The following IL6R variants were observed in gnomAD, a reference collection of about 807,000 sequenced individuals.
IL6R encodes interleukin-6 receptor subunit alpha.
In IL6R, 38 loss-of-function variants were observed where a neutral mutation model predicts 48.3. The ratio of observed to expected loss-of-function variants is 0.79; its 90% CI spans 0.61 to 1.03. IL6R has a LOEUF of 1.03. Ranked by LOEUF, IL6R falls within the 50% of genes least tolerant of loss-of-function variation. IL6R has a pLI of 0.00. For synonymous variants in IL6R, 264 were observed against 256.2 expected, an observed-to-expected ratio of 1.03 and a Z score of -0.29; for missense variants, 534 against 618.3, an observed-to-expected ratio of 0.86 and a Z score of 1.45.
intron 1 of IL6R, among the ~76,000 whole-genome samples, chr1:154,424,389 G>T (rs775226465): frequency 3.3e-5 from 5 of 152,224 alleles, no homozygotes; most frequent in Admixed American, 6.5e-5. Context: ...AGTGGTCCTT[G>T]ACCCCTACCT....
intron 1 of IL6R, among the ~76,000 whole-genome samples, chr1:154,413,230 G>A (rs988850919): frequency 6.6e-6 from 1 of 152,328 alleles, no homozygotes; most frequent in East Asian, 1.9e-4. Context: ...TCAAACTCCT[G>A]ACCTCGTGAT....
At chr1:154,414,956 A>G in intron 1 of IL6R, 2 of 1,319,938 alleles carry the variant, frequency 1.5e-6, no homozygotes, top group Admixed American at 2.0e-5. Context: ...AGGATGCTCC[A>G]CTGGCCCCGA....
chr1:154,465,666 AC>A lies in IL6R; in HGVS notation c.*287del. The A allele has an allele frequency of 2.4e-6, 1 of 409,002 alleles. No individual in the cohort carries two copies. The highest frequency in any genetic ancestry group is 4.5e-6 in the Non-Finnish European group (1 of 219,788). 25.3% of individuals were successfully genotyped at this position (409,002 alleles called of 1,614,324 possible). On this transcript the variant is annotated 3_prime_UTR_variant, in exon 10 of 10. Transcript: ENST00000368485. ...ATATCAAGACTCTTTGGACACTCAC[AC>A]GGACACTCAAAAGCTGGGCAGGTTG... is the stretch of plus-strand genomic sequence containing the variant.
chr1:154,460,897 GC>G (rs1331279838), intron 9 of IL6R, among the ~76,000 whole-genome samples: 1 of 152,176 alleles, frequency 6.6e-6, no homozygotes, highest in East Asian at 1.9e-4. Context: ...TAAAGAGAAA[GC>G]ACCTGGGCCT....
In IL6R at chr1:154,413,565, A is replaced by T. The variant is rs565203213; in HGVS notation, c.85+7851A>T. ...GCCAAAAGTGTACTATTAACCTGGT[A>T]TCTACACAGACAATGGCGTCTGTGT... On this transcript the variant is annotated intron_variant, in intron 1 of 9. Coordinates refer to ENST00000368485, the MANE Select transcript of IL6R (RefSeq NM_000565.4). 1.1e-4 allele frequency among the ~76,000 whole-genome samples: 16 copies of T among 152,304 alleles called. No homozygotes were observed. In the South Asian group the frequency reaches 3.1e-3, roughly 30 times the overall value.
intron 1 of IL6R, among the ~76,000 whole-genome samples, chr1:154,407,736 C>T (rs1687812045): frequency 6.6e-6 from 1 of 152,080 alleles, no homozygotes; most frequent in South Asian, 2.1e-4. Context: ...TTGTTTTCCT[C>T]GGGATCAGCT....
Position 154,465,726 on chromosome 1 carries a change from C to T in IL6R, c.*346C>T. On this transcript the variant is annotated 3_prime_UTR_variant, in exon 10 of 10. Transcript: ENST00000368485. ...CTCGGTGTGGAGAAGCGGCTGGCAGCCCACCCCTCAACACCTCTGCACAAG... is the reference window on the plus strand; with the variant it reads ...CTCGGTGTGGAGAAGCGGCTGGCAGTCCACCCCTCAACACCTCTGCACAAG... 3.3e-6 allele frequency: 1 copy of T among 304,824 alleles called. No homozygotes were observed. The highest frequency in any genetic ancestry group is 3.6e-5 in the South Asian group (1 of 27,666). 18.9% of individuals were successfully genotyped at this position (304,824 alleles called of 1,614,324 possible).
intron 1 of IL6R, among the ~76,000 whole-genome samples, chr1:154,426,407 A>G (rs937405152): frequency 2.0e-5 from 3 of 151,604 alleles, no homozygotes; most frequent in Non-Finnish European, 2.9e-5. Context: ...TGTAGTCCCA[A>G]CTACTCGGGA....
chr1:154,447,476 T>TATATATATATAC (rs1424013885), intron 6 of IL6R, among the ~76,000 whole-genome samples: 121 of 68,644 alleles, frequency 1.8e-3, no homozygotes, highest in East Asian at 2.7e-3. Flanking sequence ...TATATATATA[T>TATATATATATAC]ACACACACAC....
rs573196969 is a variant in IL6R, at chr1:154,428,020, G to T, written c.86-1176G>T. On this transcript the variant is annotated intron_variant, in intron 1 of 9. Coordinates refer to ENST00000368485, the MANE Select transcript of IL6R (RefSeq NM_000565.4). ...CTTGCTAATAAATGGTTATGCATTT[G>T]GTTCAAAGGACCAAGTGTGCTTACA... Among the ~76,000 whole-genome samples, 14 of 152,298 alleles carry T rather than the reference G, an allele frequency of 9.2e-5. No individual in the cohort carries two copies. In the East Asian group the frequency reaches 2.7e-3, roughly 29 times the overall value.
intron 6 of IL6R, among the ~76,000 whole-genome samples, chr1:154,437,196 A>G (rs994749215): frequency 6.6e-6 from 1 of 152,126 alleles, no homozygotes; most frequent in Non-Finnish European, 1.5e-5. Flanking sequence ...TTCCAGGTTC[A>G]TGCCATTCTC....
chr1:154,454,277 GAAAC>G (rs537961306), intron 8 of IL6R: 170 of 581,584 alleles, frequency 2.9e-4, no homozygotes, highest in African/African-American at 1.4e-3. Flanking sequence ...GCTTTGTTAA[GAAAC>G]AAACAAACAA....
chr1:154,437,554 C>T (rs1689701557), intron 6 of IL6R: 1 of 408,598 alleles, frequency 2.4e-6, no homozygotes, highest in Non-Finnish European at 5.0e-6. Context: ...GCTGGGACCA[C>T]AGGCGTGTGC....
At chr1:154,451,862 AAG>A (rs907356063) in intron 8 of IL6R, among the ~76,000 whole-genome samples, 3 of 151,998 alleles carry the variant, frequency 2.0e-5, no homozygotes, top group African/African-American at 4.8e-5. Context: ...ACATGTCTAA[AAG>A]AGAACACCTG....
chr1:154,455,242 T>G (rs539254176), intron 9 of IL6R, among the ~76,000 whole-genome samples: 57 of 151,592 alleles, frequency 3.8e-4, no homozygotes, highest in African/African-American at 1.4e-3. Flanking sequence ...AAGCCCAGCA[T>G]GTAATATGGT....
At position 154,405,665 on chromosome 1, in the gene IL6R, G is replaced by C; in HGVS notation, c.36G>C (p.Leu12=). The change falls in exon 1 of 10, where the codon CTG becomes CTC. Residue 12 remains leucine (L), a synonymous_variant. Transcript: ENST00000368485. The surrounding 1 kb of genome is among the most constrained non-coding windows in gnomAD (Gnocchi z 5.2). ...TCGGCTGCGCGCTGCTGGCTGCCCT[G>C]CTGGCCGCGCCGGGAGCGGCGCTGG... The part of the protein sequence containing the change: ...LAVGCALLAA[L]LAAPGAALAP... 6.5e-7 allele frequency: 1 copy of C among 1,531,630 alleles called. No homozygotes were observed. Among genetic ancestry groups the C allele is most frequent in the Non-Finnish European group, 8.7e-7 (1 of 1,146,406 alleles). The allele number at this position is 1,531,630 out of a possible 1,614,324, so 94.9% of individuals were successfully genotyped here. A position where few individuals can be genotyped will look rare whatever the true frequency, so the allele number is the denominator to read the frequency against.
chr1:154,446,218 G>A (rs930086617), intron 6 of IL6R, among the ~76,000 whole-genome samples: 1 of 152,172 alleles, frequency 6.6e-6, no homozygotes, highest in African/African-American at 2.4e-5. Flanking sequence ...ATGAATTCTA[G>A]GTTCAATTCA....
chr1:154,436,666 T>G (rs938043411), intron 6 of IL6R, among the ~76,000 whole-genome samples: 16 of 152,202 alleles, frequency 1.1e-4, no homozygotes, highest in African/African-American at 3.9e-4. Context: ...GCCGAGGCCC[T>G]GGGTTCTCCC....
At position 154,465,664 on chromosome 1, in the gene IL6R, A is replaced by G; in HGVS notation, c.*284A>G. 2.4e-6 allele frequency: 1 copy of G among 416,978 alleles called. No individual in the cohort carries two copies. The highest frequency in any genetic ancestry group is 2.7e-5 in the South Asian group (1 of 37,588). 25.8% of individuals were successfully genotyped at this position (416,978 alleles called of 1,614,324 possible). On this transcript the variant is annotated 3_prime_UTR_variant, in exon 10 of 10. Coordinates refer to ENST00000368485, the MANE Select transcript of IL6R (RefSeq NM_000565.4). ...CCATATCAAGACTCTTTGGACACTC[A>G]CACGGACACTCAAAAGCTGGGCAGG...
Sources: allele counts gnomAD v4.1 joint callset (sites outside exome capture counted in the v4.1 genomes callset), GRCh38; gene constraint gnomAD v4.1.1; non-coding constraint Gnocchi (gnomAD v3.1); transcripts MANE v1.5; gene names NCBI Gene and HGNC (gene_info 2026-07-23, HGNC 2026-07-21).